ATXN10: variants seen among roughly 807,000 people sequenced by gnomAD.
ATXN10 encodes ataxin-10.
A neutral mutation model predicts 52.9 loss-of-function variants in ATXN10; 28 were observed. The observed-to-expected ratio is 0.53, with a 90% CI of 0.39 to 0.73. The LOEUF (loss-of-function observed/expected upper bound fraction) is 0.73. Ranked by LOEUF, ATXN10 falls within the 30% of genes least tolerant of loss-of-function variation. The pLI, the probability that ATXN10 is intolerant of heterozygous loss-of-function variation, is 0.00. For synonymous variants in ATXN10, 226 were observed against 221.5 expected, an observed-to-expected ratio of 1.02 and a Z score of -0.18; for missense variants, 565 against 577.0, an observed-to-expected ratio of 0.98 and a Z score of 0.21.
intron 9 of ATXN10, among the ~76,000 whole-genome samples, chr22:45,804,850 T>C (rs1178705881): frequency 2.0e-5 from 3 of 152,248 alleles, no homozygotes; most frequent in African/African-American, 7.2e-5. Flanking sequence ...ATAACCATTA[T>C]TTGTTTTTGG....
chr22:45,782,091 T>C (rs1226373039), intron 9 of ATXN10, among the ~76,000 whole-genome samples: 1 of 152,242 alleles, frequency 6.6e-6, no homozygotes, highest in Non-Finnish European at 1.5e-5. Flanking sequence ...TTCCTTGGTA[T>C]AGCTTTTGAA....
At chr22:45,741,530 C>T (rs1282039894) in intron 9 of ATXN10, among the ~76,000 whole-genome samples, 2 of 152,116 alleles carry the variant, frequency 1.3e-5, no homozygotes, top group Non-Finnish European at 2.9e-5. Context: ...GGTGAAGGAA[C>T]ATCAAGGCAT....
Position 45,784,092 on chromosome 22 carries a change from G to GT in ATXN10, c.1174-22863dup. Among the ~76,000 whole-genome samples the GT allele has an allele frequency of 6.6e-6, 1 of 152,146 alleles. No homozygotes were observed. The highest frequency in any genetic ancestry group is 2.1e-4 in the South Asian group (1 of 4,814). On this transcript the variant is annotated intron_variant, in intron 9 of 11. Coordinates refer to ENST00000252934, the MANE Select transcript of ATXN10 (RefSeq NM_013236.4). The surrounding 1 kb of genome is among the most constrained non-coding windows in gnomAD (Gnocchi z 4.2). ...TCACTCTTCATTTGCACACTTTGAG[G>GT]TTTTCCAGCACATTTAATATTATTT...
chr22:45,689,611 C>T (rs1923289934), intron 1 of ATXN10, 101 bp from the exon 2 acceptor site: 6 of 985,224 alleles, frequency 6.1e-6, no homozygotes, highest in African/African-American at 3.2e-5. Context: ...ATAAACGTAG[C>T]GTACCTCCCC....
intron 10 of ATXN10, among the ~76,000 whole-genome samples, chr22:45,838,769 C>A (rs527808001): frequency 2.0e-5 from 3 of 152,118 alleles, no homozygotes; most frequent in Non-Finnish European, 4.4e-5. Flanking sequence ...CTTCCTAGGG[C>A]TATATTTTAC....
chr22:45,740,620 G>A (rs1925475392), intron 9 of ATXN10, 82 bp downstream of exon 9: 2 of 1,403,428 alleles, frequency 1.4e-6, no homozygotes, highest in Non-Finnish European at 2.0e-6. Flanking sequence ...CTCTTTTGGA[G>A]TGAAAGCTTG....
intron 10 of ATXN10, among the ~76,000 whole-genome samples, chr22:45,832,770 A>G (rs1229538711): frequency 6.6e-6 from 1 of 152,246 alleles, no homozygotes; most frequent in Non-Finnish European, 1.5e-5. Context: ...TGTGTTGTTC[A>G]TAGAAAAGAG....
chr22:45,719,497 G>T (rs1202405111), intron 6 of ATXN10, among the ~76,000 whole-genome samples: 2 of 151,676 alleles, frequency 1.3e-5, no homozygotes, highest in African/African-American at 2.4e-5. Flanking sequence ...AGATAGAGAA[G>T]TATTTGTAGT....
At chr22:45,767,703 AGGAAG>A (rs1926635524) in intron 9 of ATXN10, among the ~76,000 whole-genome samples, 1 of 152,214 alleles carries the variant, frequency 6.6e-6, no homozygotes, top group South Asian at 2.1e-4. Context: ...AGAGGGTTGG[AGGAAG>A]GAAGAAGGAG....
chr22:45,719,741 G>A (rs981651976), intron 6 of ATXN10, among the ~76,000 whole-genome samples: 4 of 152,098 alleles, frequency 2.6e-5, no homozygotes, highest in African/African-American at 9.7e-5. Flanking sequence ...AGTTGTATCA[G>A]GTGCATCCTT....
chr22:45,694,966 A>C (rs9614758), intron 3 of ATXN10, among the ~76,000 whole-genome samples: 2 of 148,334 alleles, frequency 1.3e-5, no homozygotes, highest in African/African-American at 5.0e-5. Flanking sequence ...AAAAAAAAAA[A>C]CAAAACCCCA....
In ATXN10 at chr22:45,704,681, G is replaced by T. The variant is rs79133389; in HGVS notation, c.647+1834G>T. ...AGTTTTAGTAGATTTTTTTGTGTAC[G>T]TGATTCTTAGGATTTTTTCTGTACA... On this transcript the variant is annotated intron_variant, in intron 5 of 11. Transcript: ENST00000252934. Among the ~76,000 whole-genome samples, 1,306 of 152,126 alleles carry T rather than the reference G, an allele frequency of 8.6e-3. 13 individuals are homozygous for T. The highest frequency in any genetic ancestry group is 0.03 in the African/African-American group (1,236 of 41,496).
intron 9 of ATXN10, among the ~76,000 whole-genome samples, chr22:45,798,293 A>C (rs964604524): frequency 6.6e-5 from 10 of 152,212 alleles, no homozygotes; most frequent in Admixed American, 3.9e-4. Context: ...ATATCAGCAA[A>C]GTGGATCTTG....
At chr22:45,707,305 T>A (rs567168031) in intron 5 of ATXN10, among the ~76,000 whole-genome samples, 33 of 152,314 alleles carry the variant, frequency 2.2e-4, no homozygotes, top group African/African-American at 7.7e-4. Flanking sequence ...TGCAGTGTAA[T>A]CTTTTATCAT....
intron 10 of ATXN10, among the ~76,000 whole-genome samples, chr22:45,809,888 T>A (rs1928225012): frequency 6.6e-6 from 1 of 152,262 alleles, no homozygotes; most frequent in Non-Finnish European, 1.5e-5. Flanking sequence ...TCATTTTCTT[T>A]ATAGTTTCTT....
intron 9 of ATXN10, among the ~76,000 whole-genome samples, chr22:45,760,289 T>G (rs1471608970): frequency 6.6e-6 from 1 of 152,174 alleles, no homozygotes; most frequent in Non-Finnish European, 1.5e-5. Context: ...CTCATTAATA[T>G]GGGACTCTGT....
At chr22:45,722,324 G>A (rs1431637767) in intron 6 of ATXN10, among the ~76,000 whole-genome samples, 1 of 152,140 alleles carries the variant, frequency 6.6e-6, no homozygotes, top group Non-Finnish European at 1.5e-5. Flanking sequence ...AGGGAGACCC[G>A]TATACCAGAC....
rs1249965393 is a variant in ATXN10 at position 45,772,520 on chromosome 22, C to G, written c.1173+31982C>G. ...AAATTGGGTAGTGTGATTCATCCAA[C>G]TTTATTTTAGTGATTTAATCTTCTT... On this transcript the variant is annotated intron_variant, in intron 9 of 11. Coordinates refer to ENST00000252934, the MANE Select transcript of ATXN10 (RefSeq NM_013236.4). The surrounding 1 kb of genome is among the most constrained non-coding windows in gnomAD (Gnocchi z 4.1). Among the ~76,000 whole-genome samples the G allele has an allele frequency of 6.6e-6, 1 of 152,172 alleles. No homozygotes were observed. The highest frequency in any genetic ancestry group is 1.5e-5 in the Non-Finnish European group (1 of 68,032).
Position 45,762,132 on chromosome 22 carries a change from G to T in ATXN10, c.1173+21594G>T, listed in dbSNP as rs1383837228. 6.6e-6 allele frequency among the ~76,000 whole-genome samples: 1 copy of T among 152,218 alleles called. No individual in the cohort carries two copies. The highest frequency in any genetic ancestry group is 6.5e-5 in the Admixed American group (1 of 15,282). On this transcript the variant is annotated intron_variant, in intron 9 of 11. Coordinates refer to ENST00000252934, the MANE Select transcript of ATXN10 (RefSeq NM_013236.4). The surrounding 1 kb of genome is among the most constrained non-coding windows in gnomAD (Gnocchi z 4.3). ...TAGTATTTTACTTGTAACAATTGCA[G>T]AAAAAGTGAAAAGCTTGACATTACA... is the stretch of plus-strand genomic sequence containing the variant.
Sources: allele counts gnomAD v4.1 joint callset (sites outside exome capture counted in the v4.1 genomes callset), GRCh38; gene constraint gnomAD v4.1.1; non-coding constraint Gnocchi (gnomAD v3.1); transcripts MANE v1.5; gene names NCBI Gene and HGNC (gene_info 2026-07-23, HGNC 2026-07-21).